The following TSHZ1 variants were observed in gnomAD, a reference collection of about 807,000 sequenced individuals.
TSHZ1 encodes teashirt zinc finger homeobox 1.
A neutral mutation model predicts 67.1 loss-of-function variants in TSHZ1; 12 were observed. The ratio of observed to expected loss-of-function variants is 0.18; its 90% CI spans 0.11 to 0.29. The LOEUF (loss-of-function observed/expected upper bound fraction) is 0.29, where lower values mean the gene tolerates loss of function less well. Among genes scored for constraint, TSHZ1 ranks in the 10% least tolerant of loss-of-function variants. TSHZ1 has a pLI of 1.00. For synonymous variants in TSHZ1, 632 were observed against 622.4 expected (o/e 1.02, Z -0.23); for missense variants, 1,305 against 1,413.9 (o/e 0.92, Z 1.23).
intron 1 of TSHZ1, among the ~76,000 whole-genome samples, 175 bp downstream of exon 1, chr18:75,212,091 A>T (rs1172922640): frequency 6.6e-6 from 1 of 151,576 alleles, no homozygotes; most frequent in Non-Finnish European, 1.5e-5. Context: ...CCTCCCCCAC[A>T]CCCCCAACCT....
intron 1 of TSHZ1, among the ~76,000 whole-genome samples, chr18:75,272,423 C>T (rs1381983464): frequency 4.6e-5 from 7 of 152,226 alleles, no homozygotes; most frequent in Non-Finnish European, 7.3e-5. Flanking sequence ...GGCAAAACCA[C>T]AGGGCGATTC....
chr18:75,274,355 G>A (rs1320917027), intron 1 of TSHZ1, among the ~76,000 whole-genome samples: 1 of 152,124 alleles, frequency 6.6e-6, no homozygotes, highest in African/African-American at 2.4e-5. Context: ...TGGGGTGATG[G>A]TGGGGGGCTG....
chr18:75,216,367 G>A (rs140762375), intron 1 of TSHZ1, among the ~76,000 whole-genome samples: 7 of 152,184 alleles, frequency 4.6e-5, no homozygotes, highest in African/African-American at 1.2e-4. Flanking sequence ...TTCCTGTTGC[G>A]GTGCTTGTGA....
chr18:75,287,357 C>T lies in TSHZ1; in HGVS notation c.1950C>T (p.Val650=). The T allele has an allele frequency of 6.2e-7, 1 of 1,614,118 alleles. No homozygotes were observed. Among genetic ancestry groups the T allele is most frequent in the Non-Finnish European group, 8.5e-7 (1 of 1,180,038 alleles). Residue 650 remains valine, a synonymous_variant, in exon 2 of 2, where the codon GTC becomes GTT. Transcript: ENST00000580243. This position sits in a 1 kb window ranked among gnomAD's most constrained non-coding sequence, Gnocchi z 5.0. ...EELVEKVTGK[V]NIKKEERPPE... ...TGGTGGAGAAGGTCACGGGCAAGGT[C>T]AACATCAAGAAGGAGGAGAGACCCC...
At chr18:75,265,770 G>A (rs2023483196) in intron 1 of TSHZ1, among the ~76,000 whole-genome samples, 1 of 152,088 alleles carries the variant, frequency 6.6e-6, no homozygotes, top group Non-Finnish European at 1.5e-5. Flanking sequence ...ATGCAGAAAT[G>A]CTTTGTCATT....
At chr18:75,253,386 T>A (rs1228169641) in intron 1 of TSHZ1, among the ~76,000 whole-genome samples, 2 of 152,242 alleles carry the variant, frequency 1.3e-5, no homozygotes, top group Non-Finnish European at 2.9e-5. Context: ...CATTGCTGAA[T>A]CAATGGGGAG....
intron 1 of TSHZ1, among the ~76,000 whole-genome samples, chr18:75,271,613 A>G (rs560296724): frequency 2.6e-5 from 4 of 152,256 alleles, no homozygotes; most frequent in Non-Finnish European, 5.9e-5. Context: ...AGTGACAGCC[A>G]TCTTTGAGCC....
At position 75,262,535 on chromosome 18, in the gene TSHZ1, A is replaced by G. The variant is rs139592559; in HGVS notation, c.41-22913A>G. 1.7e-4 allele frequency among the ~76,000 whole-genome samples: 26 copies of G among 152,352 alleles called. 1 individual carries two copies. Among genetic ancestry groups the G allele is most frequent in the African/African-American group, 5.8e-4 (24 of 41,588 alleles). ...GTCAATTGGCCTCTTGGCTAGGACC[A>G]TCAGGTTTGTTCTTTTAAACCTGAG... On this transcript the variant is annotated intron_variant, in intron 1 of 1. Coordinates refer to ENST00000580243, the MANE Select transcript of TSHZ1 (RefSeq NM_001308210.2).
intron 1 of TSHZ1, chr18:75,221,128 T>G (rs189642326): frequency 6.6e-6 from 1 of 152,320 alleles, no homozygotes; most frequent in Non-Finnish European, 1.5e-5. Context: ...CATTTCTGCC[T>G]CAACTTGCTA....
intron 1 of TSHZ1, chr18:75,280,888 T>G: frequency 1.1e-6 from 1 of 926,186 alleles, no homozygotes; most frequent in Non-Finnish European, 1.3e-6. Flanking sequence ...GGAGATGACC[T>G]TTGAGCCTCC....
intron 1 of TSHZ1, among the ~76,000 whole-genome samples, chr18:75,246,405 TGTG>T (rs1388250081): frequency 1.8e-5 from 1 of 54,224 alleles, no homozygotes; most frequent in African/African-American, 7.0e-5. Context: ...TGGTTTCTGG[TGTG>T]TGTGTGTGTG....
In TSHZ1 at chr18:75,286,933, T is replaced by A. The variant is rs374017862; in HGVS notation, c.1526T>A (p.Val509Glu). The part of the protein sequence containing the change: ...KKEPEKEKPP[V>E]AGDAEKIKEE... ...GAGCCAGAGAAGGAGAAGCCGCCTG[T>A]GGCTGGCGACGCGGAGAAGATCAAG... The change falls in exon 2 of 2, where the codon GTG (valine) becomes GAG (glutamate). Residue 509 changes from valine to glutamate, a missense_variant. Physicochemically the swap from Val to Glu is moderately radical, Grantham distance 121. Around this residue, in one of 3 missense-constraint regions of TSHZ1, gnomAD observed 909 missense variants for 961.8 expected, o/e 0.95. Coordinates refer to ENST00000580243, the MANE Select transcript of TSHZ1 (RefSeq NM_001308210.2). The surrounding 1 kb of genome is among the most constrained non-coding windows in gnomAD (Gnocchi z 5.1). 113 of 1,614,008 alleles carry A rather than the reference T, an allele frequency of 7.0e-5. No individual in the cohort carries two copies. Among genetic ancestry groups the A allele is most frequent in the Non-Finnish European group, 8.8e-5 (104 of 1,180,020 alleles).
At chr18:75,258,527 T>G (rs986306950) in intron 1 of TSHZ1, among the ~76,000 whole-genome samples, 2 of 152,206 alleles carry the variant, frequency 1.3e-5, no homozygotes, top group South Asian at 4.1e-4. Context: ...AAGATTTCTT[T>G]ATTTGGGAAA....
chr18:75,262,587 A>T (rs1055216945), intron 1 of TSHZ1, among the ~76,000 whole-genome samples: 1 of 152,208 alleles, frequency 6.6e-6, no homozygotes, highest in African/African-American at 2.4e-5. Context: ...TCTATAAAAT[A>T]CGCTTGCATT....
chr18:75,237,343 G>A (rs1276198999), intron 1 of TSHZ1, among the ~76,000 whole-genome samples: 2 of 152,020 alleles, frequency 1.3e-5, no homozygotes, highest in Admixed American at 6.5e-5. Context: ...GCAACATGGC[G>A]AAACCCCATA....
At chr18:75,216,984 CCTGATCAT>C (rs1156778558) in intron 1 of TSHZ1, among the ~76,000 whole-genome samples, 1 of 152,210 alleles carries the variant, frequency 6.6e-6, no homozygotes, top group African/African-American at 2.4e-5. Context: ...CCCTGTGCCG[CCTGATCAT>C]GTATAGTAAA....
rs57507792 is a variant in TSHZ1 at position 75,224,089 on chromosome 18, C to CT, written c.40+12186dup. Among the ~76,000 whole-genome samples, 1,038 of 133,280 alleles carry CT rather than the reference C, an allele frequency of 7.8e-3. 10 individuals are homozygous for CT. Among genetic ancestry groups the CT allele is most frequent in the African/African-American group, 0.024 (906 of 37,024 alleles). The allele number at this position is 133,280 out of a possible 152,430, so 87.4% of individuals were successfully genotyped here. On this transcript the variant is annotated intron_variant, in intron 1 of 1. Coordinates refer to ENST00000580243, the MANE Select transcript of TSHZ1 (RefSeq NM_001308210.2). ...AAAAAAAAAAAAAAAAAGATCCTCACTTTTTTTTTTTTTAAAGGAAGGGAA... is the reference window on the plus strand; with the variant it reads ...AAAAAAAAAAAAAAAAAGATCCTCACTTTTTTTTTTTTTTAAAGGAAGGGAA...
At chr18:75,226,444 CTG>C (rs1442355021) in intron 1 of TSHZ1, among the ~76,000 whole-genome samples, 1 of 152,188 alleles carries the variant, frequency 6.6e-6, no homozygotes. Flanking sequence ...AGTCATGGGT[CTG>C]GCTACAAGTT....
chr18:75,213,374 C>G (rs914098918), intron 1 of TSHZ1, among the ~76,000 whole-genome samples: 3 of 152,220 alleles, frequency 2.0e-5, no homozygotes, highest in South Asian at 4.1e-4. Context: ...ATCTATGCCA[C>G]TGGTAGCCCC....
Sources: allele counts gnomAD v4.1 joint callset (sites outside exome capture counted in the v4.1 genomes callset), GRCh38; gene constraint gnomAD v4.1.1; regional missense constraint gnomAD v4.1.1; non-coding constraint Gnocchi (gnomAD v3.1); transcripts MANE v1.5; gene names NCBI Gene and HGNC (gene_info 2026-07-23, HGNC 2026-07-21).